Variants in SNX27 observed in about 807,000 individuals in gnomAD.
The protein encoded by SNX27 is sorting nexin 27, also known as sorting nexin-27.
SNX27 carries 22 observed loss-of-function variants against 71.6 expected under a neutral mutation model. The observed-to-expected ratio is 0.31, with a 90% CI of 0.22 to 0.44. The LOEUF is 0.44. SNX27 is among the 20% of genes least tolerant of loss of function. The pLI is 1.00. For synonymous variants in SNX27, 269 were observed against 277.2 expected (o/e 0.97, Z 0.29); for missense variants, 531 against 698.6 (o/e 0.76, Z 2.70).
At chr1:151,688,509 A>G (rs1193908419) in intron 8 of SNX27, among the ~76,000 whole-genome samples, 1 of 151,870 alleles carries the variant, frequency 6.6e-6, no homozygotes, top group East Asian at 1.9e-4. Flanking sequence ...GTGCACGCCT[A>G]TAATCCCAGC....
intron 6 of SNX27, among the ~76,000 whole-genome samples, chr1:151,667,987 C>T (rs1670286104): frequency 1.3e-5 from 2 of 152,042 alleles, no homozygotes; most frequent in Admixed American, 1.3e-4. Flanking sequence ...TAAAGGAATA[C>T]CTGAGGCTGG....
At position 151,688,895 on chromosome 1, in the gene SNX27, A is replaced by G. The variant is rs1671311496; in HGVS notation, c.1240-3540A>G. Among the ~76,000 whole-genome samples, 2 of 152,184 alleles carry G rather than the reference A, an allele frequency of 1.3e-5. 1 individual carries two copies. The highest frequency in any genetic ancestry group is 6.8e-3 in the Middle Eastern group (2 of 294). On this transcript the variant is annotated intron_variant, in intron 8 of 11. Transcript: ENST00000458013. ...AAGCCCAAGAATGTAGAGACTGCCC[A>G]CTTAATGCTGATAAATACTGCCCAA... is the stretch of plus-strand genomic sequence containing the variant.
At chr1:151,669,401 C>A (rs1670358489) in intron 7 of SNX27, 1 of 152,040 alleles carries the variant, frequency 6.6e-6, no homozygotes, top group Admixed American at 6.5e-5. Context: ...CTAATTATTG[C>A]CCTCCTTTTT....
At chr1:151,680,861 G>GA (rs1487786091) in intron 7 of SNX27, among the ~76,000 whole-genome samples, 1 of 152,116 alleles carries the variant, frequency 6.6e-6, no homozygotes, top group Admixed American at 6.5e-5. Context: ...TGATGAAGAG[G>GA]AAAGTGTTCA....
In SNX27 at chr1:151,639,014, T is replaced by A. The variant is rs1294222961; in HGVS notation, c.438T>A (p.Ser146Arg). ...ATGAGGCAGATAACCTAGATCCCAG[T>A]GACGACTCGTTGGGACAATCATTTT... ...PPHEADNLDPSDDSLGQSFYD... is the reference protein window; with the variant it reads ...PPHEADNLDPRDDSLGQSFYD... Residue 146 changes from serine (S) to arginine (R), a missense_variant, in exon 2 of 12, where the codon AGT becomes AGA. Ser to Arg is a moderately radical substitution (Grantham distance 110). This residue lies in a region of SNX27 where 47 missense variants were observed against 41.4 expected (regional missense o/e 1.13). Transcript: ENST00000458013. 1 of 1,614,204 alleles carries A rather than the reference T, an allele frequency of 6.2e-7. No individual in the cohort carries two copies. The highest frequency in any genetic ancestry group is 8.5e-7 in the Non-Finnish European group (1 of 1,180,032).
At chr1:151,681,564 A>T (rs987011403) in intron 7 of SNX27, among the ~76,000 whole-genome samples, 4 of 152,004 alleles carry the variant, frequency 2.6e-5, no homozygotes, top group Non-Finnish European at 5.9e-5. Context: ...TCTTGAACTC[A>T]TTTGCCTATC....
intron 1 of SNX27, among the ~76,000 whole-genome samples, chr1:151,635,628 A>C (rs1182375497): frequency 1.3e-5 from 2 of 152,294 alleles, no homozygotes; most frequent in Admixed American, 6.5e-5. Flanking sequence ...CAAATCAGAC[A>C]TCCTGGGGTT....
At chr1:151,615,724 A>G (rs1353037902) in intron 1 of SNX27, 7 of 984,052 alleles carry the variant, frequency 7.1e-6, no homozygotes, top group East Asian at 1.1e-4. Flanking sequence ...ACTTTTCCCT[A>G]TTTTAGATTC....
intron 6 of SNX27, among the ~76,000 whole-genome samples, chr1:151,667,515 G>GGA (rs1026828622): frequency 2.6e-5 from 4 of 152,104 alleles, no homozygotes; most frequent in African/African-American, 9.7e-5. Context: ...CTGGGTAAGA[G>GGA]GAGAGGCTTG....
intron 8 of SNX27, among the ~76,000 whole-genome samples, chr1:151,688,631 C>CAAAAAAAAAAAA (rs34779390): frequency 8.6e-6 from 1 of 116,850 alleles, no homozygotes; most frequent in Non-Finnish European, 1.9e-5. Flanking sequence ...GACTCTGTCT[C>CAAAAAAAAAAAA]AAAAAAAAAA....
chr1:151,625,823 C>G (rs1171699743), intron 1 of SNX27, among the ~76,000 whole-genome samples: 1 of 151,406 alleles, frequency 6.6e-6, no homozygotes, highest in Non-Finnish European at 1.5e-5. Context: ...TGGCACACAC[C>G]TGTAATCCCT....
At chr1:151,681,235 CTTTTT>C (rs762924986) in intron 7 of SNX27, among the ~76,000 whole-genome samples, 5,901 of 60,634 alleles carry the variant, frequency 0.097, 761 homozygotes, top group East Asian at 0.43. Context: ...GTCTCTCAAT[CTTTTT>C]TTTTTTTTTT....
At chr1:151,623,651 C>T (rs1029586881) in intron 1 of SNX27, among the ~76,000 whole-genome samples, 2 of 151,148 alleles carry the variant, frequency 1.3e-5, no homozygotes, top group Non-Finnish European at 3.0e-5. Flanking sequence ...CCTCCCGTCT[C>T]GGCCTCCCAA....
At chr1:151,659,194 C>T (rs1669842162) in intron 3 of SNX27, among the ~76,000 whole-genome samples, 1 of 152,026 alleles carries the variant, frequency 6.6e-6, no homozygotes, top group Non-Finnish European at 1.5e-5. Flanking sequence ...TGCCCTTGTT[C>T]TAAGCAGGCT....
At chr1:151,628,250 G>A (rs1316840466) in intron 1 of SNX27, among the ~76,000 whole-genome samples, 1 of 151,990 alleles carries the variant, frequency 6.6e-6, no homozygotes. Flanking sequence ...CAGGTGAAAC[G>A]CCCATCTTCG....
At chr1:151,620,303 T>C (rs1439891289) in intron 1 of SNX27, among the ~76,000 whole-genome samples, 1 of 152,222 alleles carries the variant, frequency 6.6e-6, no homozygotes, top group African/African-American at 2.4e-5. Flanking sequence ...GGACTTCCTG[T>C]GAATTCAGTT....
At chr1:151,613,632 C>G (rs146649270) in intron 1 of SNX27, among the ~76,000 whole-genome samples, 4 of 152,056 alleles carry the variant, frequency 2.6e-5, no homozygotes, top group Non-Finnish European at 5.9e-5. Flanking sequence ...AGTCCCTCCC[C>G]CTTCATACGC....
chr1:151,682,722 G>T (rs1355451660), intron 7 of SNX27, among the ~76,000 whole-genome samples: 1 of 152,088 alleles, frequency 6.6e-6, no homozygotes, highest in Non-Finnish European at 1.5e-5. Flanking sequence ...ACATGCAGGG[G>T]GAACTGCTGT....
In SNX27 at chr1:151,634,430, C is replaced by T. The variant is rs190668135; in HGVS notation, c.312-4458C>T. On this transcript the variant is annotated intron_variant, in intron 1 of 11. Transcript: ENST00000458013. ...TTTTCATTGTATATAGCTTCCTTCACAAGTAGTATACAAATCCTGACTAGA... is the reference window on the plus strand; with the variant it reads ...TTTTCATTGTATATAGCTTCCTTCATAAGTAGTATACAAATCCTGACTAGA... Among the ~76,000 whole-genome samples the T allele has an allele frequency of 4.7e-3, 719 of 152,270 alleles. 4 individuals are homozygous for T. Among genetic ancestry groups the T allele is most frequent in the Non-Finnish European group, 8.3e-3 (564 of 68,016 alleles).
Sources: gnomAD v4.1 joint callset for allele counts (sites outside exome capture counted in the v4.1 genomes callset) on GRCh38, gnomAD v4.1.1 for gene constraint, gnomAD v4.1.1 regional missense constraint, MANE v1.5 for transcripts, NCBI Gene and HGNC (gene_info 2026-07-23, HGNC 2026-07-21) for gene names.